C12orf42: variants seen among roughly 807,000 people sequenced by gnomAD.
C12orf42 encodes the protein uncharacterized protein C12orf42.
A neutral mutation model predicts 21.6 loss-of-function variants in C12orf42; 25 were observed. The ratio of observed to expected loss-of-function variants is 1.16; its 90% CI spans 0.84 to 1.62. C12orf42 has a LOEUF of 1.62. C12orf42 is among the 40% of genes most tolerant of loss of function. C12orf42 has a pLI of 0.00. For synonymous variants in C12orf42, 174 were observed against 175.0 expected (o/e 0.99, Z 0.05); for missense variants, 483 against 459.3 (o/e 1.05, Z -0.47).
At chr12:103,387,912 CTTTT>C in intron 3 of C12orf42, among the ~76,000 whole-genome samples, 1 of 152,006 alleles carries the variant, frequency 6.6e-6, no homozygotes, top group East Asian at 1.9e-4. Flanking sequence ...CTCTTTTTTT[CTTTT>C]TTAACACATT....
chr12:103,075,251 G>A, the C12orf42 span, among the ~76,000 whole-genome samples: 1 of 152,052 alleles, frequency 6.6e-6, no homozygotes, highest in African/African-American at 2.4e-5. Flanking sequence ...TCTCTTCCTT[G>A]CTGTTAGATA....
At chr12:103,513,983 G>A in the C12orf42 span, among the ~76,000 whole-genome samples, 1 of 152,204 alleles carries the variant, frequency 6.6e-6, no homozygotes, top group African/African-American at 2.4e-5. Context: ...AGACAAAACC[G>A]AGACTAGGTA....
the C12orf42 span, among the ~76,000 whole-genome samples, chr12:103,055,768 T>C: frequency 3.3e-5 from 5 of 152,044 alleles, no homozygotes; most frequent in African/African-American, 1.2e-4. Flanking sequence ...TTTGGTTAAA[T>C]GTATTTTTAA....
chr12:103,531,589 G>A, the C12orf42 span, among the ~76,000 whole-genome samples: 2 of 152,212 alleles, frequency 1.3e-5, no homozygotes, highest in African/African-American at 4.8e-5. Flanking sequence ...TCAGAGGTTT[G>A]AGTAGCAAGT....
At chr12:103,400,623 T>C (rs935357946) in intron 3 of C12orf42, among the ~76,000 whole-genome samples, 4 of 152,236 alleles carry the variant, frequency 2.6e-5, no homozygotes, top group Non-Finnish European at 5.9e-5. Flanking sequence ...GTTTTTCAAC[T>C]AGGTCATGTT....
At chr12:103,309,671 A>G (rs1236485938) in intron 4 of C12orf42, among the ~76,000 whole-genome samples, 1 of 152,222 alleles carries the variant, frequency 6.6e-6, no homozygotes, top group Non-Finnish European at 1.5e-5. Flanking sequence ...AGGGAAAACC[A>G]GGAACTGGTA....
intron 4 of C12orf42, among the ~76,000 whole-genome samples, chr12:103,279,116 GATAAA>G (rs2035949910): frequency 6.6e-6 from 1 of 152,320 alleles, no homozygotes; most frequent in East Asian, 1.9e-4. Context: ...GATGATGCAA[GATAAA>G]ATAAGATCCA....
At chr12:103,515,626 C>A in the C12orf42 span, among the ~76,000 whole-genome samples, 3 of 152,094 alleles carry the variant, frequency 2.0e-5, no homozygotes, top group African/African-American at 7.2e-5. Flanking sequence ...CAAATCAAGG[C>A]CTTTAACTGC....
At chr12:103,283,544 T>C (rs2036260777) in intron 4 of C12orf42, among the ~76,000 whole-genome samples, 1 of 152,204 alleles carries the variant, frequency 6.6e-6, no homozygotes, top group Non-Finnish European at 1.5e-5. Context: ...CTTCACTCCT[T>C]GTGTTCCAGA....
chr12:103,161,290 T>C, the C12orf42 span, among the ~76,000 whole-genome samples: 1 of 152,144 alleles, frequency 6.6e-6, no homozygotes, highest in Admixed American at 6.5e-5. Context: ...ATTGAAAAAG[T>C]GTCCTTTTAA....
chr12:103,402,542 AC>A (rs1474659146), intron 2 of C12orf42, among the ~76,000 whole-genome samples: 2 of 152,222 alleles, frequency 1.3e-5, no homozygotes, highest in African/African-American at 4.8e-5. Context: ...TCACCAGGAT[AC>A]AAGTATATGT....
intron 3 of C12orf42, among the ~76,000 whole-genome samples, chr12:103,394,484 G>A (rs1012009813): frequency 2.6e-5 from 4 of 152,140 alleles, no homozygotes; most frequent in African/African-American, 9.7e-5. Context: ...TGCAGTCCAA[G>A]GTTACAAACC....
At chr12:103,263,371 C>T (rs950751412) in exon 10 of C12orf42, 4 of 151,942 alleles carry the variant, frequency 2.6e-5, no homozygotes, top group Non-Finnish European at 5.9e-5. Context: ...TAAACAGTCA[C>T]CTACAAAAAA....
the C12orf42 span, among the ~76,000 whole-genome samples, chr12:103,133,150 T>C: frequency 1.3e-5 from 2 of 152,102 alleles, no homozygotes; most frequent in African/African-American, 4.8e-5. Context: ...GTTAGGCTCA[T>C]CCAACCTGCT....
At chr12:103,306,539 G>A (rs1274002713) in intron 4 of C12orf42, among the ~76,000 whole-genome samples, 194 bp from the exon 5 acceptor site, 1 of 152,168 alleles carries the variant, frequency 6.6e-6, no homozygotes, top group Non-Finnish European at 1.5e-5. Flanking sequence ...GGGAGGTAGA[G>A]GACAGGATGT....
the C12orf42 span, among the ~76,000 whole-genome samples, chr12:103,518,536 G>C: frequency 6.6e-6 from 1 of 152,098 alleles, no homozygotes; most frequent in East Asian, 1.9e-4. Context: ...GTCTTATATG[G>C]GTGGTCCCAA....
intron 3 of C12orf42, among the ~76,000 whole-genome samples, chr12:103,377,712 C>T (rs1197494653): frequency 6.6e-6 from 1 of 152,030 alleles, no homozygotes; most frequent in Non-Finnish European, 1.5e-5. Context: ...CTCACCAGGC[C>T]CCTGTTCTAA....
chr12:103,320,564 A>T (rs1017066907), intron 4 of C12orf42, among the ~76,000 whole-genome samples: 6 of 152,220 alleles, frequency 3.9e-5, no homozygotes, highest in Non-Finnish European at 8.8e-5. Context: ...AACTGAATGG[A>T]GCTAAATTAT....
rs60659041 is a variant in C12orf42 at position 103,253,825 on chromosome 12, GT to G, written c.*1366+9500del. Among the ~76,000 whole-genome samples, 1,247 of 149,240 alleles carry G rather than the reference GT, an allele frequency of 8.4e-3. 57 individuals carry two copies. The East Asian group carries it at 0.12, about 15-fold the overall frequency. ...AACAACTTTGTCCACTTTTTAATGGGTTTTTTTTTTCTTGTAAATTTGTTTA... is the reference window on the plus strand; with the variant it reads ...AACAACTTTGTCCACTTTTTAATGGGTTTTTTTTTCTTGTAAATTTGTTTA... On this transcript the variant is annotated intron_variant and NMD_transcript_variant, in intron 10 of 10. Transcript: ENST00000547347.
Sources: gnomAD v4.1 joint callset for allele counts (sites outside exome capture counted in the v4.1 genomes callset) on GRCh38, gnomAD v4.1.1 for gene constraint, MANE v1.5 for transcripts, NCBI Gene and HGNC (gene_info 2026-07-23, HGNC 2026-07-21) for gene names.